NCKAP5: variants seen among roughly 807,000 people sequenced by gnomAD.
NCKAP5 encodes the protein nck-associated protein 5.
NCKAP5 carries 92 observed loss-of-function variants against 167.0 expected under a neutral mutation model. The observed-to-expected ratio is 0.55, with a 90% CI of 0.47 to 0.66. The LOEUF (loss-of-function observed/expected upper bound fraction) is 0.66. Ranked by LOEUF, NCKAP5 falls within the 30% of genes least tolerant of loss-of-function variation. NCKAP5 has a pLI of 0.00. For synonymous variants in NCKAP5, 891 were observed against 877.4 expected (o/e 1.02, Z -0.27); for missense variants, 2,378 against 2,315.0 (o/e 1.03, Z -0.56).
intron 2 of NCKAP5, among the ~76,000 whole-genome samples, chr2:133,548,824 C>T (rs957159197): frequency 1.2e-3 from 178 of 151,846 alleles, no homozygotes; most frequent in African/African-American, 4.0e-3. Context: ...CATCAACTAA[C>T]GAGCAAAATC....
rs146342302 is a variant in NCKAP5 at position 133,147,196 on chromosome 2, T to A, written c.208-17085A>T. 5.3e-4 allele frequency among the ~76,000 whole-genome samples: 81 copies of A among 152,162 alleles called. 2 individuals are homozygous for A. The East Asian group carries it at 0.015, about 29-fold the overall frequency. ...TCTGATTTGAAGAGTGTTGAACTAATCACATCAACCAGTGTTTACTAAATA... is the reference window on the plus strand; with the variant it reads ...TCTGATTTGAAGAGTGTTGAACTAAACACATCAACCAGTGTTTACTAAATA... On this transcript the variant is annotated intron_variant, in intron 5 of 19. Coordinates refer to ENST00000409261, the MANE Select transcript of NCKAP5 (RefSeq NM_207363.3).
At chr2:132,881,534 T>G (rs1456813580) in intron 8 of NCKAP5, among the ~76,000 whole-genome samples, 1 of 149,642 alleles carries the variant, frequency 6.7e-6, no homozygotes, top group African/African-American at 2.5e-5. Flanking sequence ...CCCCCTTATT[T>G]CCTCTTCTTC....
At chr2:133,192,010 A>G (rs2085247283) in intron 5 of NCKAP5, among the ~76,000 whole-genome samples, 1 of 152,120 alleles carries the variant, frequency 6.6e-6, no homozygotes, top group African/African-American at 2.4e-5. Flanking sequence ...GTGAAAAATG[A>G]AGAATAAAGT....
In NCKAP5 at chr2:132,785,444, T is replaced by C; in HGVS notation, c.1367A>G (p.Asp456Gly). 2 of 1,613,802 alleles carry C rather than the reference T, an allele frequency of 1.2e-6. No homozygotes were observed. The highest frequency in any genetic ancestry group is 1.7e-6 in the Non-Finnish European group (2 of 1,179,800). The change falls in exon 14 of 20, where the codon GAC (aspartate) becomes GGC (glycine). Residue 456 changes from aspartate to glycine, a missense_variant. This residue lies in a region of NCKAP5 where 1,049 missense variants were observed against 1,023.4 expected (regional missense o/e 1.02). Coordinates refer to ENST00000409261, the MANE Select transcript of NCKAP5 (RefSeq NM_207363.3). ...GGGTTCCTTGCAGGGGCTCCCCAGG[T>C]CAGCTGTTTTGCAGGGGGGATACTC... ...LKEYPPCKTADLGSPCKEPHK... is the reference protein window; with the variant it reads ...LKEYPPCKTAGLGSPCKEPHK...
At chr2:133,003,249 C>T (rs771228464) in intron 6 of NCKAP5, among the ~76,000 whole-genome samples, 1 of 152,150 alleles carries the variant, frequency 6.6e-6, no homozygotes, top group Non-Finnish European at 1.5e-5. Context: ...CATTGCCTCC[C>T]ATATAATTTG....
At chr2:133,085,677 T>A (rs998882415) in intron 6 of NCKAP5, among the ~76,000 whole-genome samples, 2 of 152,064 alleles carry the variant, frequency 1.3e-5, no homozygotes, top group African/African-American at 2.4e-5. Context: ...AGTTAGAGCA[T>A]GTGTTATAGG....
chr2:133,043,096 A>G (rs1020405148), intron 6 of NCKAP5, among the ~76,000 whole-genome samples: 2 of 152,212 alleles, frequency 1.3e-5, no homozygotes, highest in Admixed American at 6.5e-5. Context: ...TGGTTTGGAC[A>G]AAGAATTCTA....
the NCKAP5 span, among the ~76,000 whole-genome samples, chr2:133,627,880 G>T: frequency 6.6e-6 from 1 of 152,138 alleles, no homozygotes; most frequent in South Asian, 2.1e-4. Flanking sequence ...CCCATCAGAA[G>T]GTGGAGTCTG....
chr2:133,242,127 A>AG (rs1445277685), intron 4 of NCKAP5, among the ~76,000 whole-genome samples: 1 of 151,100 alleles, frequency 6.6e-6, no homozygotes, highest in Non-Finnish European at 1.5e-5. Flanking sequence ...CTCAAAAAAA[A>AG]AAAAAAAAAA....
At chr2:133,387,451 C>T (rs141260477) in intron 3 of NCKAP5, among the ~76,000 whole-genome samples, 2,099 of 152,284 alleles carry the variant, frequency 0.014, 47 homozygotes, top group African/African-American at 0.048. Flanking sequence ...GTGGGTAACC[C>T]GACCTTTCTG....
chr2:132,722,690 G>A (rs67180177), intron 19 of NCKAP5, among the ~76,000 whole-genome samples: 6 of 152,036 alleles, frequency 3.9e-5, no homozygotes, highest in African/African-American at 7.2e-5. Flanking sequence ...GCATGTCCAC[G>A]CAGAACTCCC....
chr2:132,789,693 G>A (rs1261229769), intron 13 of NCKAP5, among the ~76,000 whole-genome samples: 4 of 152,138 alleles, frequency 2.6e-5, no homozygotes, highest in African/African-American at 4.8e-5. Context: ...CCAGCTTTGC[G>A]AGTCCACTGT....
At chr2:132,979,193 T>C (rs1401936036) in intron 7 of NCKAP5, among the ~76,000 whole-genome samples, 1 of 152,216 alleles carries the variant, frequency 6.6e-6, no homozygotes, top group Non-Finnish European at 1.5e-5. Flanking sequence ...AAAATAGGCC[T>C]CAAGCTCAGT....
At chr2:133,627,773 G>T in the NCKAP5 span, among the ~76,000 whole-genome samples, 1 of 152,182 alleles carries the variant, frequency 6.6e-6, no homozygotes, top group Admixed American at 6.5e-5. Context: ...AGAAATTCAA[G>T]GAAAGTGTAG....
At chr2:133,370,952 C>G (rs1308034214) in intron 3 of NCKAP5, among the ~76,000 whole-genome samples, 1 of 152,132 alleles carries the variant, frequency 6.6e-6, no homozygotes, top group African/African-American at 2.4e-5. Flanking sequence ...GAGATTCATT[C>G]AAGCAAATTT....
At chr2:133,281,078 G>A (rs962951227) in intron 4 of NCKAP5, among the ~76,000 whole-genome samples, 1 of 152,182 alleles carries the variant, frequency 6.6e-6, no homozygotes. Flanking sequence ...GATATAACTT[G>A]TTCTACAGCA....
chr2:132,863,388 T>C (rs1417551343), intron 10 of NCKAP5, among the ~76,000 whole-genome samples: 1 of 143,820 alleles, frequency 7.0e-6, no homozygotes, highest in East Asian at 2.0e-4. Context: ...CTGAAAGCAA[T>C]AGTAACCACG....
At position 133,222,749 on chromosome 2, in the gene NCKAP5, C is replaced by T. The variant is rs560257329; in HGVS notation, c.144-8970G>A. On this transcript the variant is annotated intron_variant, in intron 4 of 19. Transcript: ENST00000409261. ...GATAAATGGAGGCTGCTCATGCAGA[C>T]TGGAAAGCATGCCTATTATCCCACT... Among the ~76,000 whole-genome samples, 3 of 152,296 alleles carry T rather than the reference C, an allele frequency of 2.0e-5. No individual in the cohort carries two copies. The East Asian group carries it at 5.8e-4, about 29-fold the overall frequency.
chr2:133,355,040 T>C (rs1001016302), intron 3 of NCKAP5, among the ~76,000 whole-genome samples: 1 of 152,218 alleles, frequency 6.6e-6, no homozygotes, highest in Non-Finnish European at 1.5e-5. Flanking sequence ...AATAGAAATT[T>C]AATGGTTCAT....
Sources: gnomAD v4.1 joint callset for allele counts (sites outside exome capture counted in the v4.1 genomes callset) on GRCh38, gnomAD v4.1.1 for gene constraint, gnomAD v4.1.1 regional missense constraint, MANE v1.5 for transcripts, NCBI Gene and HGNC (gene_info 2026-07-23, HGNC 2026-07-21) for gene names.